The following MCM5 variants were observed in gnomAD, a reference collection of about 807,000 sequenced individuals.
MCM5 encodes the protein DNA replication licensing factor MCM5.
In MCM5, 46 loss-of-function variants were observed where a neutral mutation model predicts 79.9. That is an observed-to-expected ratio of 0.58 (90% CI 0.45 to 0.74). MCM5 has a LOEUF of 0.74. Ranked by LOEUF, MCM5 falls within the 30% of genes least tolerant of loss-of-function variation. The pLI is 0.00. For missense variants in MCM5, 883 were observed against 1,017.0 expected (o/e 0.87, Z 1.79); for synonymous variants, 404 against 390.5 (o/e 1.03, Z -0.41).
the MCM5 span, among the ~76,000 whole-genome samples, chr22:35,451,092 T>C: frequency 6.6e-6 from 1 of 152,164 alleles, no homozygotes; most frequent in East Asian, 1.9e-4. Context: ...CCAAATGGTG[T>C]TCACCTCACC....
chr22:35,438,886 T>TCCATCCATCTAC, the MCM5 span, among the ~76,000 whole-genome samples: 1 of 145,220 alleles, frequency 6.9e-6, no homozygotes, highest in Non-Finnish European at 1.5e-5. Context: ...CATCCATCCA[T>TCCATCCATCTAC]CCATCTACAT....
At chr22:35,415,774 T>TG (rs36113150) in intron 9 of MCM5, 55 bp from the exon 10 acceptor site, 449 of 1,585,984 alleles carry the variant, frequency 2.8e-4, no homozygotes, top group Non-Finnish European at 3.7e-4. Flanking sequence ...TTTTGTCTTA[T>TG]GGGGGTCAAA....
At chr22:35,411,146 G>A (rs1380251382) in intron 7 of MCM5, 1 of 366,978 alleles carries the variant, frequency 2.7e-6, no homozygotes, top group Non-Finnish European at 4.9e-6. Context: ...GAAGGACTGA[G>A]GTCAAATCAC....
At chr22:35,423,407 C>G in intron 16 of MCM5, 66 bp downstream of exon 16, 1 of 1,507,046 alleles carries the variant, frequency 6.6e-7, no homozygotes, top group South Asian at 1.3e-5. Context: ...GGTTCCCACC[C>G]ACTCAGCACT....
At chr22:35,440,463 G>T in the MCM5 span, among the ~76,000 whole-genome samples, 1 of 152,214 alleles carries the variant, frequency 6.6e-6, no homozygotes, top group Admixed American at 6.5e-5. Context: ...GAACTGCCTG[G>T]AATATCTTAG....
the MCM5 span, among the ~76,000 whole-genome samples, chr22:35,438,829 A>G: frequency 6.9e-6 from 1 of 145,924 alleles, no homozygotes; most frequent in African/African-American, 2.6e-5. Context: ...CCATCCACAT[A>G]TTCATCCATT....
intron 6 of MCM5, 107 bp from the exon 7 acceptor site, chr22:35,410,637 A>G (rs1264940429): frequency 1.8e-6 from 2 of 1,141,302 alleles, no homozygotes; most frequent in Admixed American, 1.7e-5. Flanking sequence ...GCCTGTGGCA[A>G]AAATGCTGCA....
chr22:35,437,775 G>A, the MCM5 span, among the ~76,000 whole-genome samples: 2 of 152,164 alleles, frequency 1.3e-5, no homozygotes, highest in African/African-American at 4.8e-5. Context: ...AGTCACCTGG[G>A]TAGCCTGTTA....
intron 13 of MCM5, among the ~76,000 whole-genome samples, 164 bp downstream of exon 13, chr22:35,418,020 C>G (rs1237853722): frequency 6.6e-6 from 1 of 152,212 alleles, no homozygotes; most frequent in African/African-American, 2.4e-5. Context: ...TCTAACCTTG[C>G]GTAGCTCACT....
Position 35,415,903 on chromosome 22 carries a change from T to G in MCM5, c.1278T>G (p.Asn426Lys). The change falls in exon 10 of 17, where the codon AAT (asparagine) becomes AAG (lysine). Residue 426 changes from asparagine to lysine, a missense_variant. This residue lies in a region of MCM5 where 426 missense variants were observed against 482.3 expected (regional missense o/e 0.88). Transcript: ENST00000216122. Reference sequence around the variant, plus strand: ...TGATGAGGGACCCTTCGTCCCGGAATTTCATCATGGAGGGCGGAGCCATGG... The same window carrying G: ...TGATGAGGGACCCTTCGTCCCGGAAGTTCATCATGGAGGGCGGAGCCATGG... ...ASVMRDPSSR[N>K]FIMEGGAMVL... 6.2e-7 allele frequency: 1 copy of G among 1,614,116 alleles called. No individual in the cohort carries two copies. The highest frequency in any genetic ancestry group is 8.5e-7 in the Non-Finnish European group (1 of 1,180,002).
the MCM5 span, among the ~76,000 whole-genome samples, chr22:35,442,310 C>T: frequency 6.6e-6 from 1 of 151,730 alleles, no homozygotes; most frequent in East Asian, 1.9e-4. Context: ...TGCTCTTCGG[C>T]CTAGGGGGCC....
the MCM5 span, among the ~76,000 whole-genome samples, chr22:35,441,048 ACT>A: frequency 4.8e-5 from 7 of 146,026 alleles, no homozygotes; most frequent in Admixed American, 4.8e-4. Flanking sequence ...TAAGAGTGAA[ACT>A]CTGTCAAAAA....
At chr22:35,408,928 C>T (rs999660964) in intron 6 of MCM5, among the ~76,000 whole-genome samples, 1 of 151,736 alleles carries the variant, frequency 6.6e-6, no homozygotes, top group Admixed American at 6.6e-5. Context: ...GCTGGCAAAG[C>T]CTCTTCCCAG....
chr22:35,406,651 C>G lies in MCM5; in HGVS notation c.522C>G (p.Ser174Arg). Residue 174 changes from serine to arginine, a missense_variant, in exon 5 of 17, where the codon AGC (serine) becomes AGG (arginine). Transcript: ENST00000216122. ...KATRISIQCR[S>R]CRNTLTNIAM... Reference sequence around the variant, plus strand: ...CCCGCATCTCTATCCAGTGCCGCAGCTGCCGCAACACCCTCACCAACATTG... The same window carrying G: ...CCCGCATCTCTATCCAGTGCCGCAGGTGCCGCAACACCCTCACCAACATTG... 1 of 1,612,588 alleles carries G rather than the reference C, an allele frequency of 6.2e-7. No individual in the cohort carries two copies. The highest frequency in any genetic ancestry group is 8.5e-7 in the Non-Finnish European group (1 of 1,180,020).
the MCM5 span, among the ~76,000 whole-genome samples, chr22:35,444,265 A>G: frequency 6.7e-6 from 1 of 148,888 alleles, no homozygotes; most frequent in Non-Finnish European, 1.5e-5. Context: ...AATGGGTGAG[A>G]GAGGTGGAGA....
At chr22:35,442,497 G>A in the MCM5 span, among the ~76,000 whole-genome samples, 1 of 152,184 alleles carries the variant, frequency 6.6e-6, no homozygotes, top group Non-Finnish European at 1.5e-5. Flanking sequence ...GAAAGTGCAG[G>A]CAGGGCTGGT....
At chr22:35,452,682 G>C in the MCM5 span, among the ~76,000 whole-genome samples, 1 of 152,348 alleles carries the variant, frequency 6.6e-6, no homozygotes, top group Non-Finnish European at 1.5e-5. Context: ...TGCAGCTCCT[G>C]GTTAGCCCTG....
At chr22:35,411,535 A>C (rs1932384726) in intron 7 of MCM5, 1 of 152,342 alleles carries the variant, frequency 6.6e-6, no homozygotes, top group Admixed American at 6.6e-5. Flanking sequence ...AGTCTAGGGG[A>C]TGAGGGGCCA....
At chr22:35,417,408 C>T (rs542172536) in intron 12 of MCM5, among the ~76,000 whole-genome samples, 1 of 152,350 alleles carries the variant, frequency 6.6e-6, no homozygotes, top group East Asian at 1.9e-4. Context: ...CCAGGATAGA[C>T]TCCTATTGGC....
Sources: gnomAD v4.1 joint callset for allele counts (sites outside exome capture counted in the v4.1 genomes callset) on GRCh38, gnomAD v4.1.1 for gene constraint, gnomAD v4.1.1 regional missense constraint, MANE v1.5 for transcripts, NCBI Gene and HGNC (gene_info 2026-07-23, HGNC 2026-07-21) for gene names.